The following PPM1L variants were observed in gnomAD, a reference collection of about 807,000 sequenced individuals.
PPM1L encodes protein phosphatase, Mg2+/Mn2+ dependent 1L.
A neutral mutation model predicts 31.4 loss-of-function variants in PPM1L; 13 were observed. That is an observed-to-expected ratio of 0.41 (90% CI 0.27 to 0.66). PPM1L has a LOEUF of 0.66. Among genes scored for constraint, PPM1L ranks in the 30% least tolerant of loss-of-function variants. The probability of loss-of-function intolerance (pLI) is 0.29; values close to 1 mark genes in which losing one functional copy is unlikely to be tolerated. For synonymous variants in PPM1L, 184 were observed against 175.4 expected (o/e 1.05, Z -0.39); for missense variants, 326 against 453.7 (o/e 0.72, Z 2.56).
At chr3:161,042,693 A>G (rs1284561602) in intron 2 of PPM1L, among the ~76,000 whole-genome samples, 1 of 152,210 alleles carries the variant, frequency 6.6e-6, no homozygotes, top group East Asian at 1.9e-4. Context: ...GCAAAATTCA[A>G]TTATGTGAAT....
In PPM1L at chr3:160,916,322, C is replaced by G. The variant is rs6771498; in HGVS notation, c.400-45414C>G. Among the ~76,000 whole-genome samples, 159 of 152,218 alleles carry G rather than the reference C, an allele frequency of 1.0e-3. 1 individual carries two copies. The highest frequency in any genetic ancestry group is 3.8e-3 in the African/African-American group (158 of 41,538). On this transcript the variant is annotated intron_variant, in intron 1 of 3. Coordinates refer to ENST00000498165, the MANE Select transcript of PPM1L (RefSeq NM_139245.4). ...ACACATGAAAAAATGCTCATCATCA[C>G]TGGCCATCAGAGAAATGCAAATCAA...
chr3:160,846,509 C>T (rs960927422), intron 1 of PPM1L, among the ~76,000 whole-genome samples: 1 of 152,054 alleles, frequency 6.6e-6, no homozygotes, highest in Non-Finnish European at 1.5e-5. Flanking sequence ...TTATTAGGAT[C>T]CTCACCTTGA....
chr3:160,976,526 C>G (rs1716583304), intron 2 of PPM1L, among the ~76,000 whole-genome samples: 2 of 149,998 alleles, frequency 1.3e-5, no homozygotes, highest in South Asian at 4.3e-4. Flanking sequence ...GGTTGGTAAG[C>G]TATTGATTAT....
chr3:160,835,834 T>G (rs1026414293), intron 1 of PPM1L, among the ~76,000 whole-genome samples: 17 of 152,132 alleles, frequency 1.1e-4, no homozygotes, highest in Non-Finnish European at 2.4e-4. Context: ...TCCAAAAACA[T>G]TTTTTAGAGA....
chr3:161,041,244 C>G (rs570444650), intron 2 of PPM1L, among the ~76,000 whole-genome samples: 12 of 152,330 alleles, frequency 7.9e-5, no homozygotes, highest in African/African-American at 2.6e-4. Flanking sequence ...TGCCTCCCCC[C>G]ACTGGCCCCG....
intron 1 of PPM1L, among the ~76,000 whole-genome samples, chr3:160,959,646 A>G (rs6773813): frequency 0.072 from 10,944 of 152,072 alleles, 580 homozygotes; most frequent in African/African-American, 0.13. Context: ...CCTGGCCAAC[A>G]TGGTAAAACC....
intron 1 of PPM1L, among the ~76,000 whole-genome samples, chr3:160,954,956 C>CTTCCTTTCCTTTCCT (rs1553749481): frequency 3.1e-4 from 24 of 77,448 alleles, no homozygotes; most frequent in African/African-American, 1.0e-3. Flanking sequence ...TCCTTCCTTC[C>CTTCCTTTCCTTTCCT]TTCCTTTCCT....
chr3:160,787,838 C>G (rs1035140222), intron 1 of PPM1L, among the ~76,000 whole-genome samples: 2 of 152,272 alleles, frequency 1.3e-5, no homozygotes, highest in Admixed American at 6.5e-5. Flanking sequence ...TATCTCAGCA[C>G]CATTTATTGA....
intron 1 of PPM1L, among the ~76,000 whole-genome samples, chr3:160,830,359 G>A (rs76180534): frequency 0.041 from 6,204 of 152,214 alleles, 418 homozygotes; most frequent in African/African-American, 0.14. Flanking sequence ...CATGTATATA[G>A]TTCCATCATG....
At chr3:160,878,434 C>T (rs1269234781) in intron 1 of PPM1L, among the ~76,000 whole-genome samples, 1 of 152,166 alleles carries the variant, frequency 6.6e-6, no homozygotes, top group African/African-American at 2.4e-5. Context: ...CTTTTCCTAG[C>T]TTGCGGATGG....
chr3:160,961,763 C>G lies in PPM1L; in HGVS notation c.427C>G (p.Leu143Val), dbSNP rs1280025943. 1 of 1,586,484 alleles carries G rather than the reference C, an allele frequency of 6.3e-7. No homozygotes were observed. Among genetic ancestry groups the G allele is most frequent in the African/African-American group, 1.4e-5 (1 of 73,052 alleles). Residue 143 changes from leucine (L) to valine (V), a missense_variant, in exon 2 of 4, where the codon CTC becomes GTC. Physicochemically the swap from Leu to Val is conservative, Grantham distance 32. Around this residue, in one of 3 missense-constraint regions of PPM1L, gnomAD observed 201 missense variants for 298.2 expected, o/e 0.67. Coordinates refer to ENST00000498165, the MANE Select transcript of PPM1L (RefSeq NM_139245.4). ...ETAAEYVKSR[L>V]PEALKQHLQD... is the part of the protein sequence containing the mutation. ...TGCAGCTGAATATGTAAAATCTCGA[C>G]TCCCAGAGGCCCTTAAACAGCATCT... is the stretch of plus-strand genomic sequence containing the variant.
intron 1 of PPM1L, among the ~76,000 whole-genome samples, chr3:160,845,784 A>G (rs78938930): frequency 0.015 from 2,344 of 152,150 alleles, 41 homozygotes; most frequent in Non-Finnish European, 0.021. Context: ...ATGTATGTCA[A>G]TTATGCCAGT....
chr3:160,973,762 C>CTGTTTTTTTTT (rs1716435449), intron 2 of PPM1L, among the ~76,000 whole-genome samples: 1 of 19,812 alleles, frequency 5.0e-5, no homozygotes, highest in Non-Finnish European at 1.4e-4. Flanking sequence ...CTGAAAGGCC[C>CTGTTTTTTTTT]TGTTTTTTTT....
At chr3:160,835,027 A>G (rs914074979) in intron 1 of PPM1L, among the ~76,000 whole-genome samples, 6 of 113,224 alleles carry the variant, frequency 5.3e-5, no homozygotes, top group African/African-American at 2.6e-4. Flanking sequence ...TACTACTACT[A>G]TTACTACTAC....
At chr3:160,892,671 G>GA (rs1004490270) in intron 1 of PPM1L, among the ~76,000 whole-genome samples, 96 of 146,718 alleles carry the variant, frequency 6.5e-4, no homozygotes, top group African/African-American at 1.4e-3. Flanking sequence ...ATATAAAAAA[G>GA]AAAAAAAAAA....
chr3:160,944,862 T>TAAC (rs1715314669), intron 1 of PPM1L, among the ~76,000 whole-genome samples: 2 of 13,340 alleles, frequency 1.5e-4, no homozygotes, highest in African/African-American at 3.7e-4. Context: ...ATATATTATA[T>TAAC]ATAATGTTAT....
intron 2 of PPM1L, among the ~76,000 whole-genome samples, chr3:161,038,004 C>T (rs1328594897): frequency 5.9e-5 from 9 of 151,758 alleles, no homozygotes; most frequent in East Asian, 4.0e-4. Context: ...GAGGCCGAGG[C>T]GGGCGGATCA....
chr3:161,004,587 G>A, intron 2 of PPM1L, among the ~76,000 whole-genome samples: 1 of 148,916 alleles, frequency 6.7e-6, no homozygotes, highest in Non-Finnish European at 1.5e-5. Context: ...ATGTGTCAAG[G>A]AATTTATCCA....
chr3:160,943,105 A>T (rs1235278595), intron 1 of PPM1L, among the ~76,000 whole-genome samples: 1 of 152,190 alleles, frequency 6.6e-6, no homozygotes, highest in Non-Finnish European at 1.5e-5. Flanking sequence ...ATAATTGTGC[A>T]TAAAGCAGCC....
Sources: gnomAD v4.1 joint callset for allele counts (sites outside exome capture counted in the v4.1 genomes callset) on GRCh38, gnomAD v4.1.1 for gene constraint, gnomAD v4.1.1 regional missense constraint, MANE v1.5 for transcripts, NCBI Gene and HGNC (gene_info 2026-07-23, HGNC 2026-07-21) for gene names.